Variants in TRIM38 observed in about 807,000 individuals in gnomAD.
The protein encoded by TRIM38 is tripartite motif containing 38.
In TRIM38, 35 loss-of-function variants were observed where a neutral mutation model predicts 35.8. The observed-to-expected ratio is 0.98, with a 90% CI of 0.75 to 1.30. The LOEUF is 1.30. Ranked by LOEUF, TRIM38 falls within the 50% of genes most tolerant of loss-of-function variation. The probability of loss-of-function intolerance (pLI) is 0.00; values close to 1 mark genes in which losing one functional copy is unlikely to be tolerated. For synonymous variants in TRIM38, 198 were observed against 204.7 expected (o/e 0.97, Z 0.28); for missense variants, 545 against 556.9 (o/e 0.98, Z 0.21).
intron 7 of TRIM38, among the ~76,000 whole-genome samples, chr6:25,980,654 C>T (rs1760518547): frequency 6.6e-6 from 1 of 152,224 alleles, no homozygotes; most frequent in South Asian, 2.1e-4. Flanking sequence ...CTCCTGGCTT[C>T]AAGTGATCCG....
In TRIM38 at chr6:25,972,009, G is replaced by T; in HGVS notation, c.648G>T (p.Glu216Asp). The change falls in exon 5 of 8, where the codon GAG (glutamate) becomes GAT (aspartate). Residue 216 changes from glutamate to aspartate, a missense_variant. Transcript: ENST00000357085. ...CTCTGAGTAGACTGAGGGACTATGA[G>T]GCTGGTCTGGGGCTGAAGAGCAATG... ...QQTLSRLRDY[E>D]AGLGLKSNEL... The T allele has an allele frequency of 6.2e-7, 1 of 1,614,158 alleles. No individual in the cohort carries two copies. Among genetic ancestry groups the T allele is most frequent in the Non-Finnish European group, 8.5e-7 (1 of 1,180,014 alleles).
At chr6:25,970,182 C>T (rs1033257848) in intron 4 of TRIM38, among the ~76,000 whole-genome samples, 8 of 152,138 alleles carry the variant, frequency 5.3e-5, no homozygotes, top group Admixed American at 5.2e-4. Context: ...TCCCAAAGTG[C>T]TGGGATTACA....
chr6:25,973,929 A>T, intron 7 of TRIM38: 1 of 953,618 alleles, frequency 1.0e-6, no homozygotes, highest in Non-Finnish European at 1.2e-6. Flanking sequence ...AAATCAAAAA[A>T]ACCCCTGAAA....
rs1023481622 is a variant in TRIM38, at chr6:25,987,795, T to C, written c.*4108T>C. 2 of 152,256 alleles carry C rather than the reference T, an allele frequency of 1.3e-5. No homozygotes were observed. Among genetic ancestry groups the C allele is most frequent in the Non-Finnish European group, 2.9e-5 (2 of 68,050 alleles). The allele number at this position is 152,256 out of a possible 1,614,324, so 9.4% of individuals were successfully genotyped here. A position where few individuals can be genotyped will look rare whatever the true frequency, so the allele number is the denominator to read the frequency against. On this transcript the variant is annotated 3_prime_UTR_variant, in exon 8 of 8. Transcript: ENST00000357085. ...TAATGTCATGTATTCACCATTATAG[T>C]ATCACAGAAGTTTCACTGCCCTAAA...
At position 25,988,199 on chromosome 6, in the gene TRIM38, C is replaced by T. The variant is rs1225457831; in HGVS notation, c.*4512C>T. 1 of 152,146 alleles carries T rather than the reference C, an allele frequency of 6.6e-6. No homozygotes were observed. The highest frequency in any genetic ancestry group is 1.5e-5 in the Non-Finnish European group (1 of 68,048). The allele number at this position is 152,146 out of a possible 1,614,324, so 9.4% of individuals were successfully genotyped here. ...GCAGGTATATTACTGCAGAACTGCC[C>T]CTGAGCTGCTACTCTGGGCACATTA... On this transcript the variant is annotated 3_prime_UTR_variant, in exon 8 of 8. Coordinates refer to ENST00000357085, the MANE Select transcript of TRIM38 (RefSeq NM_006355.5).
chr6:25,971,161 T>C (rs758877306), intron 4 of TRIM38, among the ~76,000 whole-genome samples: 6 of 152,224 alleles, frequency 3.9e-5, no homozygotes, highest in Non-Finnish European at 7.3e-5. Context: ...TAAAAACCTC[T>C]TTTTATCCTT....
intron 7 of TRIM38, chr6:25,975,765 A>C (rs1225086232): frequency 3.5e-6 from 3 of 857,240 alleles, no homozygotes; most frequent in East Asian, 2.4e-4. Context: ...TTTTATGTCT[A>C]ATATTCCATA....
chr6:25,979,978 A>G (rs1363513697), intron 7 of TRIM38, among the ~76,000 whole-genome samples: 4 of 152,028 alleles, frequency 2.6e-5, no homozygotes, highest in Non-Finnish European at 5.9e-5. Flanking sequence ...TCATCTTTTT[A>G]TTATTGGTTT....
rs1297688282 is a variant in TRIM38, at chr6:25,990,646, T to A, written c.*6959T>A. ...TTCTAAAATAATTTATAATAATAAA[T>A]ATTAACAATTAGATTTAATTACTGA... On this transcript the variant is annotated 3_prime_UTR_variant, in exon 8 of 8. Coordinates refer to ENST00000357085, the MANE Select transcript of TRIM38 (RefSeq NM_006355.5). 1.3e-5 allele frequency: 2 copies of A among 151,702 alleles called. No individual in the cohort carries two copies. Among genetic ancestry groups the A allele is most frequent in the African/African-American group, 4.8e-5 (2 of 41,410 alleles). The allele number at this position is 151,702 out of a possible 1,614,324, so 9.4% of individuals were successfully genotyped here. A position where few individuals can be genotyped will look rare whatever the true frequency, so the allele number is the denominator to read the frequency against.
chr6:25,966,949 C>T lies in TRIM38; in HGVS notation c.411+16C>T, dbSNP rs774197981. On this transcript the variant is annotated intron_variant, in intron 3 of 7. Coordinates refer to ENST00000357085, the MANE Select transcript of TRIM38 (RefSeq NM_006355.5). ...GGGCTACAAGGTGAGTGTGTGGGCC[C>T]GGGAGCTTTGGTAAGTACCAAGTCT... 2.0e-5 allele frequency: 32 copies of T among 1,582,428 alleles called. No individual in the cohort carries two copies. Among genetic ancestry groups the T allele is most frequent in the Admixed American group, 3.5e-5 (2 of 57,760 alleles).
chr6:25,974,037 A>G (rs956361372), intron 7 of TRIM38: 1 of 215,762 alleles, frequency 4.6e-6, no homozygotes, highest in African/African-American at 2.4e-5. Context: ...CAAACAAATT[A>G]CCATAATTTA....
rs1158631461 is a variant in TRIM38, at chr6:25,989,321, A to G, written c.*5634A>G. ...TTCATCAGATCTGTCTTTTGCAAAC[A>G]TTACCTGCCAATGTGTGGCTTTTCT... is the stretch of plus-strand genomic sequence containing the variant. On this transcript the variant is annotated 3_prime_UTR_variant, in exon 8 of 8. Transcript: ENST00000357085. The G allele has an allele frequency of 6.6e-6, 1 of 152,110 alleles. No individual in the cohort carries two copies. Among genetic ancestry groups the G allele is most frequent in the Non-Finnish European group, 1.5e-5 (1 of 68,018 alleles). 9.4% of individuals were successfully genotyped at this position (152,110 alleles called of 1,614,324 possible).
chr6:25,966,960 G>A (rs1209794786), intron 3 of TRIM38, 27 bp downstream of exon 3: 2 of 1,573,812 alleles, frequency 1.3e-6, no homozygotes, highest in Non-Finnish European at 1.7e-6. Flanking sequence ...GGGAGCTTTG[G>A]TAAGTACCAA....
intron 4 of TRIM38, among the ~76,000 whole-genome samples, chr6:25,970,804 T>C (rs148715038): frequency 0.011 from 1,631 of 152,336 alleles, 8 homozygotes; most frequent in Non-Finnish European, 0.015. Flanking sequence ...GTTTGAAGAC[T>C]GCAATCCAAG....
chr6:25,963,472 T>C (rs376421148), intron 2 of TRIM38, among the ~76,000 whole-genome samples, 190 bp downstream of exon 2: 196 of 152,246 alleles, frequency 1.3e-3, no homozygotes, highest in African/African-American at 4.7e-3. Flanking sequence ...GTCACTCCTC[T>C]GTTGCCTATC....
At chr6:25,971,728 G>T (rs943840531) in intron 4 of TRIM38, 141 bp from the exon 5 acceptor site, 1 of 701,174 alleles carries the variant, frequency 1.4e-6, no homozygotes, top group Non-Finnish European at 2.4e-6. Flanking sequence ...TTGCCCTTTT[G>T]TTTCTGGCTT....
In TRIM38 at chr6:25,989,146, A is replaced by G. The variant is rs536031709; in HGVS notation, c.*5459A>G. 6.6e-6 allele frequency: 1 copy of G among 152,348 alleles called. No individual in the cohort carries two copies. Among genetic ancestry groups the G allele is most frequent in the South Asian group, 2.1e-4 (1 of 4,826 alleles). The allele number at this position is 152,348 out of a possible 1,614,324, so 9.4% of individuals were successfully genotyped here. A position where few individuals can be genotyped will look rare whatever the true frequency, so the allele number is the denominator to read the frequency against. On this transcript the variant is annotated 3_prime_UTR_variant, in exon 8 of 8. Coordinates refer to ENST00000357085, the MANE Select transcript of TRIM38 (RefSeq NM_006355.5). ...TGTTTTAATTTGCAGTTCCCTAATG[A>G]CATGATGTCAAGCATCTTTTCATAT...
intron 7 of TRIM38, among the ~76,000 whole-genome samples, chr6:25,980,685 T>C (rs932425603): frequency 2.6e-5 from 4 of 152,190 alleles, no homozygotes; most frequent in Non-Finnish European, 5.9e-5. Context: ...CCTCCCAAAG[T>C]GCTGGGATTA....
Position 25,983,400 on chromosome 6 carries a change from G to A in TRIM38, c.1111G>A (p.Gly371Ser). 6.2e-7 allele frequency: 1 copy of A among 1,614,096 alleles called. No individual in the cohort carries two copies. The highest frequency in any genetic ancestry group is 8.5e-7 in the Non-Finnish European group (1 of 1,180,022). Reference sequence around the variant, plus strand: ...AGTTTGTATGGAAAATGTGCAGAGGGGCACTGGCATGAAGCAAGAGCCTCA... The same window carrying A: ...AGTTTGTATGGAAAATGTGCAGAGGAGCACTGGCATGAAGCAAGAGCCTCA... ...LGVCMENVQR[G>S]TGMKQEPQSG... Residue 371 changes from glycine (G) to serine (S), a missense_variant, in exon 8 of 8, where the codon GGC becomes AGC. By Grantham distance (56) the Gly-to-Ser change is moderately conservative (BLOSUM62 0). Coordinates refer to ENST00000357085, the MANE Select transcript of TRIM38 (RefSeq NM_006355.5).
Sources: gnomAD v4.1 joint callset for allele counts (sites outside exome capture counted in the v4.1 genomes callset) on GRCh38, gnomAD v4.1.1 for gene constraint, MANE v1.5 for transcripts, NCBI Gene and HGNC (gene_info 2026-07-23, HGNC 2026-07-21) for gene names.